Variants in DAB1 observed in about 807,000 individuals in gnomAD.
DAB1 encodes the protein DAB adaptor protein 1, also known as disabled homolog 1.
In DAB1, 15 loss-of-function variants were observed where a neutral mutation model predicts 64.6. The ratio of observed to expected loss-of-function variants is 0.23; its 90% CI spans 0.16 to 0.36. The LOEUF (loss-of-function observed/expected upper bound fraction) is 0.36. Among genes scored for constraint, DAB1 ranks in the 10% least tolerant of loss-of-function variants. DAB1 has a pLI of 1.00. For missense variants in DAB1, 596 were observed against 706.7 expected, an observed-to-expected ratio of 0.84 and a Z score of 1.78; for synonymous variants, 235 against 251.9, an observed-to-expected ratio of 0.93 and a Z score of 0.64.
intron 5 of DAB1, among the ~76,000 whole-genome samples, chr1:58,119,702 C>A (rs555422618): frequency 6.6e-6 from 1 of 152,128 alleles, no homozygotes; most frequent in Non-Finnish European, 1.5e-5. Flanking sequence ...TGCCCCAGGT[C>A]GGGAGCAGAG....
At chr1:58,027,492 T>C (rs1646911319) in intron 5 of DAB1, among the ~76,000 whole-genome samples, 1 of 152,196 alleles carries the variant, frequency 6.6e-6, no homozygotes, top group Non-Finnish European at 1.5e-5. Flanking sequence ...CCTAGATAAA[T>C]AAAAGTTGAC....
chr1:57,065,007 G>A (rs937911244), intron 8 of DAB1, among the ~76,000 whole-genome samples: 14 of 152,254 alleles, frequency 9.2e-5, no homozygotes, highest in Admixed American at 3.9e-4. Flanking sequence ...TCTGTTGCCC[G>A]TAATTCACTG....
At chr1:57,352,723 T>C (rs1359370012) in intron 1 of DAB1, among the ~76,000 whole-genome samples, 1 of 152,190 alleles carries the variant, frequency 6.6e-6, no homozygotes, top group Non-Finnish European at 1.5e-5. Context: ...AATTAATTTC[T>C]CCTAGGGTAT....
intron 7 of DAB1, among the ~76,000 whole-genome samples, chr1:57,463,896 C>T (rs1032885533): frequency 1.3e-5 from 2 of 152,128 alleles, no homozygotes; most frequent in Non-Finnish European, 2.9e-5. Flanking sequence ...TGAAGTCGTA[C>T]ACAAACCTAT....
At chr1:58,162,487 A>G (rs1412804740) in intron 4 of DAB1, among the ~76,000 whole-genome samples, 2 of 152,186 alleles carry the variant, frequency 1.3e-5, no homozygotes, top group Non-Finnish European at 2.9e-5. Context: ...AGCAATTCAG[A>G]AAAACGCAAA....
At chr1:58,036,678 C>G (rs1472893643) in intron 5 of DAB1, among the ~76,000 whole-genome samples, 5 of 152,180 alleles carry the variant, frequency 3.3e-5, no homozygotes, top group Middle Eastern at 3.4e-3. Flanking sequence ...TCTATAAGTA[C>G]AGCTAAAATA....
chr1:57,234,426 A>T (rs1056413966), intron 2 of DAB1, among the ~76,000 whole-genome samples: 2 of 152,186 alleles, frequency 1.3e-5, no homozygotes, highest in African/African-American at 2.4e-5. Flanking sequence ...ATGGTGATAA[A>T]AATAAAAGAT....
intron 5 of DAB1, among the ~76,000 whole-genome samples, chr1:57,913,990 G>A (rs987477041): frequency 6.6e-5 from 10 of 152,326 alleles, no homozygotes; most frequent in African/African-American, 2.4e-4. Context: ...CTTTTACACT[G>A]TCGGTGGGAC....
chr1:58,455,307 G>C (rs1301180823), intron 3 of DAB1, among the ~76,000 whole-genome samples: 1 of 152,254 alleles, frequency 6.6e-6, no homozygotes, highest in Non-Finnish European at 1.5e-5. Context: ...CACAGGGCGA[G>C]GGAGCTAGGG....
chr1:57,059,847 C>T (rs1409935139), intron 9 of DAB1, among the ~76,000 whole-genome samples: 2 of 152,118 alleles, frequency 1.3e-5, no homozygotes, highest in Non-Finnish European at 2.9e-5. Context: ...TGTCTCTATA[C>T]CACAGCCTGA....
chr1:58,052,709 T>G (rs1647762923), intron 5 of DAB1, among the ~76,000 whole-genome samples: 4 of 152,244 alleles, frequency 2.6e-5, no homozygotes, highest in Non-Finnish European at 5.9e-5. Flanking sequence ...GTTCCTGTCC[T>G]CTTTTATTTC....
At chr1:58,197,032 CTCCCTTGAGAT>C (rs550023015) in intron 4 of DAB1, among the ~76,000 whole-genome samples, 8 of 152,086 alleles carry the variant, frequency 5.3e-5, no homozygotes, top group Non-Finnish European at 7.3e-5. Flanking sequence ...TTCTGAAAAC[CTCCCTTGAGAT>C]TCTTACAGTC....
At position 58,091,431 on chromosome 1, in the gene DAB1, T is replaced by C. The variant is rs145009835; in HGVS notation, n.387+59080A>G. Among the ~76,000 whole-genome samples the C allele has an allele frequency of 2.3e-3, 355 of 152,322 alleles. 1 individual carries two copies. Among genetic ancestry groups the C allele is most frequent in the African/African-American group, 8.3e-3 (346 of 41,574 alleles). Reference sequence around the variant, plus strand: ...TCCCCACATGTGTCCCATTAAATAATTAATAATAACATGTTTAATTTATTC... The same window carrying C: ...TCCCCACATGTGTCCCATTAAATAACTAATAATAACATGTTTAATTTATTC... On this transcript the variant is annotated intron_variant and non_coding_transcript_variant, in intron 5 of 20. Coordinates refer to the DAB1 transcript ENST00000485760.
intron 2 of DAB1, among the ~76,000 whole-genome samples, chr1:57,207,461 T>TTTTTTTTTTTTTTTTTTTTTTG (rs1255721794): frequency 7.9e-6 from 1 of 127,250 alleles, no homozygotes; most frequent in Non-Finnish European, 1.7e-5. Context: ...TTTTTTTTTT[T>TTTTTTTTTTTTTTTTTTTTTTG]GAGATGGAGT....
chr1:57,129,610 C>A (rs1657468261), intron 4 of DAB1, among the ~76,000 whole-genome samples: 1 of 152,268 alleles, frequency 6.6e-6, no homozygotes, highest in Admixed American at 6.5e-5. Flanking sequence ...TGACTCAAAT[C>A]TGTCCAGAGC....
intron 7 of DAB1, among the ~76,000 whole-genome samples, chr1:57,553,456 G>GAA (rs1644945820): frequency 1.5e-5 from 2 of 132,824 alleles, no homozygotes; most frequent in East Asian, 2.2e-4. Flanking sequence ...AAGAAAGAAA[G>GAA]AAAGAGAAAG....
At chr1:57,429,860 T>G (rs1166921414) in intron 7 of DAB1, among the ~76,000 whole-genome samples, 2 of 152,204 alleles carry the variant, frequency 1.3e-5, no homozygotes, top group Non-Finnish European at 2.9e-5. Context: ...TCAGTTTTCA[T>G]TCCAGTATCA....
At chr1:58,344,773 T>A (rs890723400) in intron 3 of DAB1, among the ~76,000 whole-genome samples, 4 of 152,194 alleles carry the variant, frequency 2.6e-5, no homozygotes, top group African/African-American at 9.6e-5. Context: ...TTCTCATTTG[T>A]AACAGGGGAA....
intron 6 of DAB1, among the ~76,000 whole-genome samples, chr1:57,813,054 C>A (rs1651701591): frequency 6.6e-6 from 1 of 152,182 alleles, no homozygotes; most frequent in Admixed American, 6.5e-5. Context: ...TAAGAATATA[C>A]ACACTTAAAC....
Sources: allele counts gnomAD v4.1 joint callset (sites outside exome capture counted in the v4.1 genomes callset), GRCh38; gene constraint gnomAD v4.1.1; transcripts MANE v1.5; gene names NCBI Gene and HGNC (gene_info 2026-07-23, HGNC 2026-07-21).